The following NLGN1 variants were observed in gnomAD, a reference collection of about 807,000 sequenced individuals.
NLGN1 encodes neuroligin 1, also known as neuroligin-1.
A neutral mutation model predicts 65.5 loss-of-function variants in NLGN1; 12 were observed. The ratio of observed to expected loss-of-function variants is 0.18; its 90% CI spans 0.12 to 0.30. NLGN1 has a LOEUF of 0.30. Among genes scored for constraint, NLGN1 ranks in the 10% least tolerant of loss-of-function variants. The pLI, the probability that NLGN1 is intolerant of heterozygous loss-of-function variation, is 1.00. For synonymous variants in NLGN1, 350 were observed against 359.5 expected (o/e 0.97, Z 0.30); for missense variants, 750 against 1,007.1 (o/e 0.74, Z 3.46).
chr3:173,797,469 G>A (rs564056215), intron 3 of NLGN1, among the ~76,000 whole-genome samples: 1 of 151,984 alleles, frequency 6.6e-6, no homozygotes, highest in African/African-American at 2.4e-5. Context: ...GAAGTGTATT[G>A]GGATAACTGG....
chr3:174,210,300 A>C (rs1736218625), intron 4 of NLGN1, among the ~76,000 whole-genome samples: 1 of 152,134 alleles, frequency 6.6e-6, no homozygotes, highest in African/African-American at 2.4e-5. Context: ...GTGTCTCCCC[A>C]TTGTGAAAGA....
At chr3:173,569,701 G>A (rs755512387) in intron 2 of NLGN1, among the ~76,000 whole-genome samples, 1 of 151,366 alleles carries the variant, frequency 6.6e-6, no homozygotes, top group Non-Finnish European at 1.5e-5. Flanking sequence ...GGTGCTTAAT[G>A]TAGGTATCTA....
chr3:174,115,819 C>T (rs1361063896), intron 4 of NLGN1, among the ~76,000 whole-genome samples: 1 of 152,142 alleles, frequency 6.6e-6, no homozygotes, highest in Non-Finnish European at 1.5e-5. Context: ...TCATTTAACT[C>T]CTCTGAGCTT....
At chr3:173,863,991 G>C (rs1729639704) in intron 4 of NLGN1, among the ~76,000 whole-genome samples, 1 of 152,252 alleles carries the variant, frequency 6.6e-6, no homozygotes, top group African/African-American at 2.4e-5. Flanking sequence ...TTGGATGATG[G>C]TGATGAGAGG....
At chr3:174,222,273 TTAGA>T (rs1241691067) in intron 4 of NLGN1, among the ~76,000 whole-genome samples, 16 of 150,656 alleles carry the variant, frequency 1.1e-4, no homozygotes, top group Middle Eastern at 3.4e-3. Flanking sequence ...CTGAAACCTC[TTAGA>T]TAGTTATAGT....
chr3:174,128,834 A>C (rs934447977), intron 4 of NLGN1, among the ~76,000 whole-genome samples: 1 of 152,130 alleles, frequency 6.6e-6, no homozygotes, highest in Non-Finnish European at 1.5e-5. Flanking sequence ...TGTCCTGATT[A>C]TCAATCACCC....
intron 1 of NLGN1, among the ~76,000 whole-genome samples, chr3:173,426,908 AT>A (rs1237431062): frequency 1.3e-5 from 2 of 151,934 alleles, no homozygotes; most frequent in Admixed American, 6.6e-5. Context: ...TCAGTATTAT[AT>A]TTTCTTTAAA....
intron 3 of NLGN1, among the ~76,000 whole-genome samples, chr3:173,768,457 G>T (rs1467108103): frequency 6.7e-6 from 1 of 148,374 alleles, no homozygotes; most frequent in Non-Finnish European, 1.5e-5. Context: ...GTGTAGATTT[G>T]CCTCTTAGGA....
In NLGN1 at chr3:173,901,730, A is replaced by G. The variant is rs564682405; in HGVS notation, c.646+93898A>G. Among the ~76,000 whole-genome samples the G allele has an allele frequency of 2.6e-5, 4 of 152,158 alleles. No homozygotes were observed. In the East Asian group the frequency reaches 5.8e-4, roughly 22 times the overall value. ...GAAATGATCTGAATTTACACAGAAC[A>G]CTTAATTTCTTTTTCGAGAACAGGC... is the stretch of plus-strand genomic sequence containing the variant. On this transcript the variant is annotated intron_variant, in intron 4 of 6. Coordinates refer to ENST00000457714, the Ensembl canonical transcript of NLGN1.
intron 2 of NLGN1, among the ~76,000 whole-genome samples, chr3:173,444,100 A>G (rs2148810358): frequency 6.6e-6 from 1 of 152,342 alleles, no homozygotes; most frequent in South Asian, 2.1e-4. Flanking sequence ...GCATCTTTCT[A>G]AAAAGGCAAT....
chr3:173,623,414 A>G (rs1754330974), intron 3 of NLGN1, among the ~76,000 whole-genome samples: 1 of 152,086 alleles, frequency 6.6e-6, no homozygotes, highest in Non-Finnish European at 1.5e-5. Flanking sequence ...CTAATTGTGA[A>G]TGTGTTTTGG....
chr3:173,500,695 G>A (rs563408603), intron 2 of NLGN1, among the ~76,000 whole-genome samples: 3 of 151,954 alleles, frequency 2.0e-5, no homozygotes, highest in Non-Finnish European at 4.4e-5. Flanking sequence ...ACATTTTTTG[G>A]TTGGTAAGCT....
In NLGN1 at chr3:173,981,869, T is replaced by G. The variant is rs368225018; in HGVS notation, c.646+174037T>G. ...TATATGTTGCCTAACTTAAGTAATA[T>G]GTGTATGAGTGTTATAATCTAGCAA... On this transcript the variant is annotated intron_variant, in intron 4 of 6. Transcript: ENST00000457714. Among the ~76,000 whole-genome samples the G allele has an allele frequency of 1.1e-4, 17 of 152,218 alleles. No homozygotes were observed. In the East Asian group the frequency reaches 1.9e-3, roughly 17 times the overall value.
rs749749824 is a variant in NLGN1 at position 173,747,801 on chromosome 3, C to CTTT, written c.494-59851_494-59849dup. 7.7e-3 allele frequency among the ~76,000 whole-genome samples: 497 copies of CTTT among 64,426 alleles called. 104 individuals are homozygous for CTTT. The highest frequency in any genetic ancestry group is 0.015 in the African/African-American group (235 of 16,104). The allele number at this position is 64,426 out of a possible 152,430, so 42.3% of individuals were successfully genotyped here. ...AATTTTCTTTCTTCTTCTTCTTGTTCTTTTTTTTTTTTTTTTTTTTTTTTT... is the reference window on the plus strand; with the variant it reads ...AATTTTCTTTCTTCTTCTTCTTGTTCTTTTTTTTTTTTTTTTTTTTTTTTTTTT... On this transcript the variant is annotated intron_variant, in intron 3 of 6. Transcript: ENST00000457714.
intron 3 of NLGN1, among the ~76,000 whole-genome samples, chr3:173,607,477 AT>A (rs1356763114): frequency 6.6e-6 from 1 of 151,768 alleles, no homozygotes; most frequent in Non-Finnish European, 1.5e-5. Flanking sequence ...TAAAGTCTAA[AT>A]AACAAAAATT....
chr3:173,815,061 CTTCCTTCTTTCCTTCG>C (rs1350110004), intron 4 of NLGN1, among the ~76,000 whole-genome samples: 5 of 146,424 alleles, frequency 3.4e-5, no homozygotes, highest in Admixed American at 6.9e-5. Context: ...TCTTTCTCTC[CTTCCTTCTTTCCTTCG>C]TTCCTTCTTT....
At chr3:174,176,140 T>G (rs1047422562) in intron 4 of NLGN1, among the ~76,000 whole-genome samples, 11 of 151,950 alleles carry the variant, frequency 7.2e-5, no homozygotes, top group African/African-American at 2.7e-4. Context: ...TTTTACTATG[T>G]AATTTACAAG....
intron 2 of NLGN1, among the ~76,000 whole-genome samples, chr3:173,473,864 A>T (rs1725736060): frequency 6.6e-6 from 1 of 152,154 alleles, no homozygotes; most frequent in Admixed American, 6.6e-5. Context: ...CGAATAACAC[A>T]GCCTTCTTCT....
At chr3:174,064,575 T>C (rs1738096732) in intron 4 of NLGN1, among the ~76,000 whole-genome samples, 1 of 148,262 alleles carries the variant, frequency 6.7e-6, no homozygotes. Flanking sequence ...ATATTAATTA[T>C]AATATTAATG....
Sources: allele counts gnomAD v4.1 joint callset (sites outside exome capture counted in the v4.1 genomes callset), GRCh38; gene constraint gnomAD v4.1.1; transcripts MANE v1.5; gene names NCBI Gene and HGNC (gene_info 2026-07-23, HGNC 2026-07-21).